The following TPM3 variants were observed in gnomAD, a reference collection of about 807,000 sequenced individuals.
The protein encoded by TPM3 is tropomyosin alpha-3 chain.
TPM3 carries 16 observed loss-of-function variants against 43.1 expected under a neutral mutation model. The observed-to-expected ratio is 0.37, with a 90% CI of 0.25 to 0.56. TPM3 has a LOEUF of 0.56. Ranked by LOEUF, TPM3 falls within the 20% of genes least tolerant of loss-of-function variation. The pLI, the probability that TPM3 is intolerant of heterozygous loss-of-function variation, is 0.77. For synonymous variants in TPM3, 101 were observed against 116.9 expected, an observed-to-expected ratio of 0.86 and a Z score of 0.88; for missense variants, 176 against 337.2, an observed-to-expected ratio of 0.52 and a Z score of 3.74.
intron 2 of TPM3, among the ~76,000 whole-genome samples, chr1:154,177,676 T>G (rs1662488600): frequency 6.6e-6 from 1 of 152,164 alleles, no homozygotes; most frequent in South Asian, 2.1e-4. Flanking sequence ...TGAATTCTAT[T>G]ACCCTGATTT....
Position 154,171,483 on chromosome 1 carries a change from C to T in TPM3, c.572G>A (p.Cys191Tyr). Residue 191 changes from cysteine (C) to tyrosine (Y), a missense_variant, in exon 6 of 10, where the codon TGT becomes TAT. Around this residue, in one of 4 missense-constraint regions of TPM3, gnomAD observed 53 missense variants for 98.3 expected, o/e 0.54. Transcript: ENST00000651641. ...CTTCAGCTCCTCCTCCAGCTCAGAA[C>T]ACTTACTGTGAATATTTTAAATACC... is the stretch of plus-strand genomic sequence containing the variant. Reference protein sequence around the residue: ...EERAELAESKCSELEEELKNV... With the variant: ...EERAELAESKYSELEEELKNV... The T allele has an allele frequency of 1.2e-6, 2 of 1,614,128 alleles. No homozygotes were observed. Among genetic ancestry groups the T allele is most frequent in the Non-Finnish European group, 1.7e-6 (2 of 1,180,022 alleles).
chr1:154,178,790 G>A (rs1662626329), intron 2 of TPM3, among the ~76,000 whole-genome samples: 1 of 152,176 alleles, frequency 6.6e-6, no homozygotes, highest in South Asian at 2.1e-4. Context: ...CCAGTGTGGA[G>A]GATATACAGT....
intron 2 of TPM3, among the ~76,000 whole-genome samples, chr1:154,184,440 G>A (rs769285836): frequency 1.4e-4 from 21 of 152,178 alleles, no homozygotes; most frequent in Non-Finnish European, 1.9e-4. Context: ...ATGTCTGTAA[G>A]TCTAGGATTT....
At chr1:154,157,902 G>T (rs1267852308), downstream of TPM3, among the ~76,000 whole-genome samples, 2 of 152,154 alleles carry the variant, frequency 1.3e-5, no homozygotes, top group Non-Finnish European at 1.5e-5. Flanking sequence ...GCCTACTGAA[G>T]TTGTAGGTGT....
intron 2 of TPM3, among the ~76,000 whole-genome samples, chr1:154,189,062 G>A (rs568031471): frequency 7.0e-6 from 1 of 142,726 alleles, no homozygotes; most frequent in Non-Finnish European, 1.5e-5. Context: ...AACCCGGGAG[G>A]TGGAGGTTGC....
At chr1:154,168,912 G>A (rs1558039324) in intron 9 of TPM3, among the ~76,000 whole-genome samples, 1 of 150,116 alleles carries the variant, frequency 6.7e-6, no homozygotes. Flanking sequence ...TTGGCTCACT[G>A]TAACCTCTGC....
chr1:154,181,737 T>C (rs1466425269), intron 2 of TPM3, among the ~76,000 whole-genome samples: 1 of 152,128 alleles, frequency 6.6e-6, no homozygotes, highest in Non-Finnish European at 1.5e-5. Flanking sequence ...CTGGCCAACA[T>C]GGCGAAACCC....
chr1:154,171,493 G>A lies in TPM3; in HGVS notation c.567-5C>T. ...TCCTCCAGCTCAGAACACTTACTGT[G>A]AATATTTTAAATACCACAGGAGAGG... On this transcript the variant is annotated splice_polypyrimidine_tract_variant and splice_region_variant and intron_variant, in intron 5 of 9. Coordinates refer to ENST00000651641, the MANE Select transcript of TPM3 (RefSeq NM_152263.4). 1 of 1,613,976 alleles carries A rather than the reference G, an allele frequency of 6.2e-7. No individual in the cohort carries two copies. The highest frequency in any genetic ancestry group is 8.5e-7 in the Non-Finnish European group (1 of 1,179,924).
chr1:154,160,817 C>T (rs1571358786), downstream of TPM3, among the ~76,000 whole-genome samples: 1 of 152,132 alleles, frequency 6.6e-6, no homozygotes, highest in East Asian at 1.9e-4. Context: ...AAATCTGAAA[C>T]TTTTTGAATG....
At chr1:154,170,766 A>ACCC (rs1457872506) in intron 6 of TPM3, 55 bp from the exon 7 acceptor site, 3 of 1,146,696 alleles carry the variant, frequency 2.6e-6, no homozygotes, top group East Asian at 2.3e-5. Context: ...CACAGGCAAT[A>ACCC]CCCCCCTCCC....
chr1:154,183,312 C>A (rs781219031), intron 2 of TPM3: 11 of 1,480,270 alleles, frequency 7.4e-6, no homozygotes, highest in African/African-American at 5.6e-5. Context: ...GAGGGAGAGC[C>A]GCGGCAGGGA....
chr1:154,182,665 G>A (rs1441128587), intron 2 of TPM3, among the ~76,000 whole-genome samples: 1 of 152,138 alleles, frequency 6.6e-6, no homozygotes, highest in Admixed American at 6.5e-5. Flanking sequence ...GGAGGGAGAA[G>A]CCGCTGAGCC....
chr1:154,168,590 C>T (rs907867295), intron 9 of TPM3, among the ~76,000 whole-genome samples: 6 of 152,094 alleles, frequency 3.9e-5, no homozygotes, highest in African/African-American at 7.2e-5. Flanking sequence ...GGCATTATCT[C>T]GGCTCACTGC....
chr1:154,173,680 A>C (rs1370668821), intron 3 of TPM3, among the ~76,000 whole-genome samples: 1 of 151,700 alleles, frequency 6.6e-6, no homozygotes, highest in Admixed American at 6.6e-5. Context: ...AAAAAAAAAA[A>C]CTTTTTGTTA....
intron 2 of TPM3, 151 bp downstream of exon 2, chr1:154,191,035 A>C: frequency 7.9e-7 from 1 of 1,261,172 alleles, no homozygotes; most frequent in Non-Finnish European, 1.1e-6. Context: ...CATTATGAGA[A>C]TATACCAGCA....
chr1:154,159,991 C>CCT (rs932605235), downstream of TPM3, among the ~76,000 whole-genome samples: 30 of 129,836 alleles, frequency 2.3e-4, no homozygotes, highest in African/African-American at 8.2e-4. Context: ...AAGTTATTTC[C>CCT]TTTTTTTTTT....
At position 154,167,771 on chromosome 1, in the gene TPM3, T is replaced by C. The variant is rs1661131746; in HGVS notation, c.*166A>G. On this transcript the variant is annotated 3_prime_UTR_variant, in exon 10 of 10. Coordinates refer to ENST00000651641, the MANE Select transcript of TPM3 (RefSeq NM_152263.4). ...GTTTCCAGCAGCTTAACATTTTAAT[T>C]TGGGGTGGGGGTGGAAGAAAATACA... 3.3e-6 allele frequency: 5 copies of C among 1,524,606 alleles called. No individual in the cohort carries two copies. Among genetic ancestry groups the C allele is most frequent in the Non-Finnish European group, 3.5e-6 (4 of 1,135,012 alleles). 94.4% of individuals were successfully genotyped at this position (1,524,606 alleles called of 1,614,324 possible). A position where few individuals can be genotyped will look rare whatever the true frequency, so the allele number is the denominator to read the frequency against.
intron 2 of TPM3, chr1:154,187,366 G>C (rs1663453447): frequency 2.0e-6 from 2 of 984,660 alleles, no homozygotes; most frequent in Non-Finnish European, 2.4e-6. Flanking sequence ...CTTCTTGCTT[G>C]CTCCTGGCCA....
chr1:154,158,706 ACAAAATTCTCGCAAGTTTTCT>A (rs1203766135), downstream of TPM3: 2 of 477,704 alleles, frequency 4.2e-6, no homozygotes, highest in African/African-American at 3.9e-5. Context: ...AGGGTGGAAA[ACAAAATTCTCGCAAGTTTTCT>A]CACTATAATC....
Sources: allele counts gnomAD v4.1 joint callset (sites outside exome capture counted in the v4.1 genomes callset), GRCh38; gene constraint gnomAD v4.1.1; regional missense constraint gnomAD v4.1.1; transcripts MANE v1.5; gene names NCBI Gene and HGNC (gene_info 2026-07-23, HGNC 2026-07-21).